IFT140: variants seen among roughly 807,000 people sequenced by gnomAD.
The protein encoded by IFT140 is intraflagellar transport protein 140 homolog.
In IFT140, 133 loss-of-function variants were observed where a neutral mutation model predicts 164.6. That is an observed-to-expected ratio of 0.81 (90% CI 0.70 to 0.93). The LOEUF is 0.93. IFT140 is among the 40% of genes least tolerant of loss of function. The probability of loss-of-function intolerance (pLI) is 0.00; values close to 1 mark genes in which losing one functional copy is unlikely to be tolerated. For missense variants in IFT140, 2,045 were observed against 1,972.3 expected, an observed-to-expected ratio of 1.04 and a Z score of -0.70; for synonymous variants, 860 against 817.3, an observed-to-expected ratio of 1.05 and a Z score of -0.89.
chr16:1,559,432 T>C (rs1257420264), intron 18 of IFT140, among the ~76,000 whole-genome samples: 1 of 152,150 alleles, frequency 6.6e-6, no homozygotes, highest in Admixed American at 6.5e-5. Flanking sequence ...GGCAGGGTCC[T>C]AAGAGCTGCT....
chr16:1,607,548 C>G (rs1015099711), intron 2 of IFT140, among the ~76,000 whole-genome samples: 11 of 152,178 alleles, frequency 7.2e-5, no homozygotes, highest in Admixed American at 4.6e-4. Context: ...TCATGGCCAT[C>G]AAAGGAGGAA....
chr16:1,557,364 C>G (rs1408531128), intron 19 of IFT140, among the ~76,000 whole-genome samples: 1 of 152,232 alleles, frequency 6.6e-6, no homozygotes, highest in Non-Finnish European at 1.5e-5. Flanking sequence ...ACCTGTGTGA[C>G]AGGCATTATC....
chr16:1,590,048 C>T (rs1335094702), intron 6 of IFT140, among the ~76,000 whole-genome samples: 1 of 151,782 alleles, frequency 6.6e-6, no homozygotes, highest in Non-Finnish European at 1.5e-5. Context: ...AATACAAAAA[C>T]TAGCCAGGCG....
chr16:1,582,265 A>G (rs1308485881), intron 12 of IFT140, among the ~76,000 whole-genome samples: 1 of 152,192 alleles, frequency 6.6e-6, no homozygotes, highest in Non-Finnish European at 1.5e-5. Context: ...GGTAGGCCCT[A>G]AATACACTCA....
At chr16:1,607,024 A>G (rs2036108121) in intron 3 of IFT140, 96 bp downstream of exon 3, 17 of 1,186,732 alleles carry the variant, frequency 1.4e-5, no homozygotes, top group Middle Eastern at 2.0e-4. Context: ...ACCCATAGGC[A>G]CACACACACA....
chr16:1,568,474 T>G (rs2033846167), intron 14 of IFT140, 140 bp from the exon 15 acceptor site: 1 of 669,080 alleles, frequency 1.5e-6, no homozygotes, highest in Non-Finnish European at 2.6e-6. Flanking sequence ...GTGTGCACCA[T>G]GAGGTGGGGC....
Position 1,592,183 on chromosome 16 carries a change from C to G in IFT140, c.627G>C (p.Leu209=). 4 of 1,614,202 alleles carry G rather than the reference C, an allele frequency of 2.5e-6. No homozygotes were observed. The highest frequency in any genetic ancestry group is 3.4e-6 in the Non-Finnish European group (4 of 1,180,034). ...SHEGLLFFVS[L]MDGTVHYVDE... is the part of the protein sequence containing the mutation. ...ACAACCAAAGTTCCTCACCGTCCATCAGACTGACAAAGAACAACAGCCCCT... is the reference window on the plus strand; with the variant it reads ...ACAACCAAAGTTCCTCACCGTCCATGAGACTGACAAAGAACAACAGCCCCT... The change falls in exon 6 of 31, where the codon CTG becomes CTC. Residue 209 remains leucine, a synonymous_variant. Coordinates refer to ENST00000426508, the MANE Select transcript of IFT140 (RefSeq NM_014714.4).
Position 1,553,291 on chromosome 16 carries a change from C to T in IFT140, c.2399+4644G>A. On this transcript the variant is annotated intron_variant, in intron 19 of 30. Coordinates refer to ENST00000426508, the MANE Select transcript of IFT140 (RefSeq NM_014714.4). This position sits in a 1 kb window ranked among gnomAD's most constrained non-coding sequence, Gnocchi z 4.4. ...TGGTCTCTGTCTCTCTGTGTCTCTG[C>T]CTGTCTCTCTGTGTCTCTGTCTCTG... 1 of 981,386 alleles carries T rather than the reference C, an allele frequency of 1.0e-6. No homozygotes were observed. 60.8% of individuals were successfully genotyped at this position (981,386 alleles called of 1,614,324 possible). A position where few individuals can be genotyped will look rare whatever the true frequency, so the allele number is the denominator to read the frequency against.
Position 1,610,820 on chromosome 16 carries a change from G to C in IFT140, c.-188C>G, listed in dbSNP as rs1023899820. On this transcript the variant is annotated 5_prime_UTR_variant, in exon 2 of 31. Coordinates refer to ENST00000426508, the MANE Select transcript of IFT140 (RefSeq NM_014714.4). ...CGATCGGGCACGCACGTGCAGCTCCGAGGCCCGAGCGTCGGGGGCCAGGTT... is the reference window on the plus strand; with the variant it reads ...CGATCGGGCACGCACGTGCAGCTCCCAGGCCCGAGCGTCGGGGGCCAGGTT... The C allele has an allele frequency of 6.6e-6, 1 of 152,320 alleles. No individual in the cohort carries two copies. The highest frequency in any genetic ancestry group is 1.5e-5 in the Non-Finnish European group (1 of 67,412). 9.4% of individuals were successfully genotyped at this position (152,320 alleles called of 1,614,324 possible).
chr16:1,513,819 GCC>G (rs1487973114), intron 30 of IFT140, among the ~76,000 whole-genome samples: 24 of 149,316 alleles, frequency 1.6e-4, no homozygotes, highest in African/African-American at 5.2e-4. Context: ...GACTACAGGC[GCC>G]CACCACCACA....
intron 16 of IFT140, among the ~76,000 whole-genome samples, chr16:1,565,156 CATGAATGAAAAG>C (rs2033641252): frequency 6.6e-6 from 1 of 152,200 alleles, no homozygotes; most frequent in African/African-American, 2.4e-5. Context: ...GAGGGAAAAG[CATGAATGAAAAG>C]ACATTTTGGT....
At position 1,553,114 on chromosome 16, in the gene IFT140, G is replaced by A. The variant is rs955103142; in HGVS notation, c.2399+4821C>T. On this transcript the variant is annotated intron_variant, in intron 19 of 30. Transcript: ENST00000426508. This position sits in a 1 kb window ranked among gnomAD's most constrained non-coding sequence, Gnocchi z 4.4. The stretch of plus-strand genomic sequence containing the variant: ...TAATTCATACTTTCTGGAGGGTACA[G>A]TGATGATGAAAAGATAATGCTTGGG... 1.0e-5 allele frequency: 10 copies of A among 985,454 alleles called. No individual in the cohort carries two copies. The African/African-American group carries it at 1.0e-4, about 10-fold the overall frequency. The allele number at this position is 985,454 out of a possible 1,614,324, so 61.0% of individuals were successfully genotyped here.
chr16:1,562,209 A>T (rs1265737021), intron 17 of IFT140, 93 bp from the exon 18 acceptor site: 3 of 1,155,522 alleles, frequency 2.6e-6, no homozygotes, highest in Non-Finnish European at 3.5e-6. Flanking sequence ...ACACTGCGTC[A>T]CGGTGGGGTC....
intron 1 of IFT140, among the ~76,000 whole-genome samples, 190 bp downstream of exon 1, chr16:1,611,778 C>T (rs182652616): frequency 1.3e-5 from 2 of 149,378 alleles, no homozygotes; most frequent in Admixed American, 6.7e-5. Flanking sequence ...TGCGCCACTG[C>T]ACTCCAGCCT....
At chr16:1,592,657 C>A (rs1460479874) in intron 4 of IFT140, 69 bp from the exon 5 acceptor site, 5 of 1,529,574 alleles carry the variant, frequency 3.3e-6, no homozygotes, top group Non-Finnish European at 4.4e-6. Flanking sequence ...GGACAGGTGT[C>A]CTGGCAGAGC....
At position 1,531,418 on chromosome 16, in the gene IFT140, C is replaced by A. The variant is rs888515965; in HGVS notation, c.2400-4622G>T. The A allele has an allele frequency of 1.3e-5, 2 of 152,236 alleles. No homozygotes were observed. Among genetic ancestry groups the A allele is most frequent in the Non-Finnish European group, 1.5e-5 (1 of 68,082 alleles). The allele number at this position is 152,236 out of a possible 1,614,324, so 9.4% of individuals were successfully genotyped here. A position where few individuals can be genotyped will look rare whatever the true frequency, so the allele number is the denominator to read the frequency against. ...GCTTGCCGAGGCCGCCCCCTCCCTCCGTGTCCCTGTTCTGTGCTAGGGCTC... is the reference window on the plus strand; with the variant it reads ...GCTTGCCGAGGCCGCCCCCTCCCTCAGTGTCCCTGTTCTGTGCTAGGGCTC... On this transcript the variant is annotated intron_variant, in intron 19 of 30. Coordinates refer to ENST00000426508, the MANE Select transcript of IFT140 (RefSeq NM_014714.4). This position sits in a 1 kb window ranked among gnomAD's most constrained non-coding sequence, Gnocchi z 4.7.
chr16:1,518,438 T>C, intron 29 of IFT140, 81 bp from the exon 30 acceptor site: 3 of 1,393,486 alleles, frequency 2.2e-6, no homozygotes, highest in South Asian at 1.5e-5. Flanking sequence ...ACTCTTGGCC[T>C]GTAAGAGGAG....
At chr16:1,600,828 C>A (rs1427118487) in intron 4 of IFT140, among the ~76,000 whole-genome samples, 1 of 151,394 alleles carries the variant, frequency 6.6e-6, no homozygotes, top group Non-Finnish European at 1.5e-5. Flanking sequence ...CAAACACAGC[C>A]AACTTGAGTG....
intron 30 of IFT140, 74 bp from the exon 31 acceptor site, chr16:1,511,224 C>A: frequency 7.1e-7 from 1 of 1,410,868 alleles, no homozygotes. Flanking sequence ...AGGCCAGGCA[C>A]GTGCTGCTGC....
Sources: gnomAD v4.1 joint callset for allele counts (sites outside exome capture counted in the v4.1 genomes callset) on GRCh38, gnomAD v4.1.1 for gene constraint, Gnocchi (gnomAD v3.1) non-coding constraint, MANE v1.5 for transcripts, NCBI Gene and HGNC (gene_info 2026-07-23, HGNC 2026-07-21) for gene names.